The following ZNF469 variants were observed in gnomAD, a reference collection of about 807,000 sequenced individuals.
The protein encoded by ZNF469 is zinc finger protein 469.
Under a neutral mutation model 1.0 loss-of-function variants are expected in ZNF469, and 1 was observed. The ratio of observed to expected loss-of-function variants is 1.00; its 90% CI spans 0.35 to 4.73. ZNF469 has a LOEUF of 4.73. ZNF469 is among the 30% of genes most tolerant of loss of function. The pLI, the probability that ZNF469 is intolerant of heterozygous loss-of-function variation, is 0.16. For missense variants in ZNF469, 6,100 were observed against 5,356.3 expected, an observed-to-expected ratio of 1.14 and a Z score of -4.33; for synonymous variants, 2,703 against 2,363.4, an observed-to-expected ratio of 1.14 and a Z score of -4.17.
At chr16:88,157,215 C>T in the ZNF469 span, among the ~76,000 whole-genome samples, 5 of 151,866 alleles carry the variant, frequency 3.3e-5, no homozygotes, top group African/African-American at 4.8e-5. Flanking sequence ...CCGACACCCC[C>T]ACCTCACAGG....
the ZNF469 span, among the ~76,000 whole-genome samples, chr16:88,203,208 C>T: frequency 6.6e-6 from 1 of 152,136 alleles, no homozygotes; most frequent in Non-Finnish European, 1.5e-5. Context: ...GAGTGAGGAA[C>T]CCCCCAGGGA....
chr16:88,329,804 C>G, the ZNF469 span, among the ~76,000 whole-genome samples: 27 of 152,240 alleles, frequency 1.8e-4, no homozygotes, highest in Non-Finnish European at 2.9e-5. Context: ...TGAGAACAAG[C>G]TGAAACCTTT....
the ZNF469 span, among the ~76,000 whole-genome samples, chr16:88,233,943 TGTTTGTCA>T: frequency 6.6e-6 from 1 of 152,270 alleles, no homozygotes; most frequent in East Asian, 1.9e-4. Context: ...GGATTTGGCC[TGTTTGTCA>T]GTGGGTTTTC....
chr16:88,175,501 C>A, the ZNF469 span, among the ~76,000 whole-genome samples: 1 of 152,168 alleles, frequency 6.6e-6, no homozygotes, highest in African/African-American at 2.4e-5. Context: ...TTTCTGACCA[C>A]AAGAGGATTA....
At chr16:88,337,441 T>C in the ZNF469 span, among the ~76,000 whole-genome samples, 1 of 152,192 alleles carries the variant, frequency 6.6e-6, no homozygotes, top group Non-Finnish European at 1.5e-5. Context: ...CCTCTTTCCT[T>C]TATAAATTAC....
Position 88,430,952 on chromosome 16 carries a change from C to A in ZNF469, c.3482C>A (p.Ser1161Tyr), listed in dbSNP as rs903409672. ...GCGAACCCCGAGGAGCCGGGCGGGT[C>A]TCGCCCGGGCCCCGGCAGGAGCCCT... is the stretch of plus-strand genomic sequence containing the variant. ...APANPEEPGG[S>Y]RPGPGRSPQA... The change falls in exon 3 of 3, where the codon TCT becomes TAT. Residue 1161 changes from serine (S) to tyrosine (Y), a missense_variant. Physicochemically the swap from Ser to Tyr is moderately radical, Grantham distance 144 (BLOSUM62 -2). Transcript: ENST00000565624. The A allele has an allele frequency of 1.3e-6, 2 of 1,535,626 alleles. No homozygotes were observed. The highest frequency in any genetic ancestry group is 4.0e-5 in the Admixed American group (2 of 50,286).
rs1361211166 is a variant in ZNF469 at position 88,431,735 on chromosome 16, C to T, written c.4265C>T (p.Ala1422Val). ...TGCCTTTGCCAGGACGGCGAGGATG[C>T]CGGTTCCCTCGAGCCACAGCTGCCA... Reference protein sequence around the residue: ...SSCLCQDGEDAGSLEPQLPRS... With the variant: ...SSCLCQDGEDVGSLEPQLPRS... Residue 1422 changes from alanine to valine, a missense_variant, in exon 3 of 3, where the codon GCC becomes GTC. Ala to Val is a moderately conservative substitution (Grantham distance 64, BLOSUM62 0). Coordinates refer to ENST00000565624, the MANE Select transcript of ZNF469 (RefSeq NM_001367624.2). 2 of 1,550,100 alleles carry T rather than the reference C, an allele frequency of 1.3e-6. No homozygotes were observed. Among genetic ancestry groups the T allele is most frequent in the South Asian group, 2.4e-5 (2 of 84,058 alleles).
chr16:88,255,318 G>A, the ZNF469 span, among the ~76,000 whole-genome samples: 1 of 152,200 alleles, frequency 6.6e-6, no homozygotes, highest in Non-Finnish European at 1.5e-5. Context: ...TATGGGAAAG[G>A]AAACTCAATA....
At chr16:88,251,823 T>G in the ZNF469 span, among the ~76,000 whole-genome samples, 1 of 151,878 alleles carries the variant, frequency 6.6e-6, no homozygotes, top group African/African-American at 2.4e-5. Context: ...CCTCCCAGAG[T>G]GCTGGGATTA....
the ZNF469 span, among the ~76,000 whole-genome samples, chr16:88,174,718 G>A: frequency 1 from 147,886 of 148,548 alleles, 73,619 homozygotes; most frequent in East Asian, 1. Flanking sequence ...TAGTAAATAT[G>A]TTTTCTCTTC....
chr16:88,430,307 G>A lies in ZNF469; in HGVS notation c.2837G>A (p.Arg946Lys). Residue 946 changes from arginine to lysine, a missense_variant, in exon 3 of 3, where the codon AGG becomes AAG. Transcript: ENST00000565624. ...GCGCCCAGCCAGGGCAGGCAGCAGAGGAGGGGGAAGCAGTTGAAGCTGTTC... is the reference window on the plus strand; with the variant it reads ...GCGCCCAGCCAGGGCAGGCAGCAGAAGAGGGGGAAGCAGTTGAAGCTGTTC... ...ADAPSQGRQQRRGKQLKLFRK... is the reference protein window; with the variant it reads ...ADAPSQGRQQKRGKQLKLFRK... 1 of 1,515,558 alleles carries A rather than the reference G, an allele frequency of 6.6e-7. No homozygotes were observed. The highest frequency in any genetic ancestry group is 8.8e-7 in the Non-Finnish European group (1 of 1,135,034). The allele number at this position is 1,515,558 out of a possible 1,614,324, so 93.9% of individuals were successfully genotyped here. A position where few individuals can be genotyped will look rare whatever the true frequency, so the allele number is the denominator to read the frequency against.
chr16:88,119,243 G>A, the ZNF469 span, among the ~76,000 whole-genome samples: 1 of 152,198 alleles, frequency 6.6e-6, no homozygotes, highest in Non-Finnish European at 1.5e-5. Flanking sequence ...TGGGCACCCT[G>A]GGAAGCGGGT....
the ZNF469 span, among the ~76,000 whole-genome samples, chr16:88,305,067 C>T: frequency 1.3e-5 from 2 of 152,184 alleles, no homozygotes. Flanking sequence ...ATCTGACACC[C>T]ACACAGAGCA....
the ZNF469 span, among the ~76,000 whole-genome samples, chr16:88,327,982 A>G: frequency 6.6e-6 from 1 of 152,238 alleles, no homozygotes; most frequent in Non-Finnish European, 1.5e-5. Context: ...GTCCCAGCCA[A>G]TGGGGAATGC....
chr16:88,380,380 C>CATAT (rs879617867), upstream of ZNF469, among the ~76,000 whole-genome samples: 1 of 110,162 alleles, frequency 9.1e-6, no homozygotes, highest in African/African-American at 6.5e-5. Flanking sequence ...TGCACTCACA[C>CATAT]GCACTCACAG....
intron 1 of ZNF469, among the ~76,000 whole-genome samples, chr16:88,394,894 C>T (rs1289498154): frequency 6.6e-6 from 1 of 152,208 alleles, no homozygotes; most frequent in Non-Finnish European, 1.5e-5. Flanking sequence ...ACCCAATCCT[C>T]TTTACCAACC....
intron 1 of ZNF469, among the ~76,000 whole-genome samples, chr16:88,422,280 T>TG (rs1163695983): frequency 0.02 from 87 of 4,360 alleles, 1 homozygote; most frequent in Admixed American, 0.042. Context: ...GATAGGTGGG[T>TG]AATGGATGGA....
chr16:88,380,522 C>T (rs796686545), upstream of ZNF469, among the ~76,000 whole-genome samples: 185 of 113,786 alleles, frequency 1.6e-3, 6 homozygotes, highest in East Asian at 0.04. Flanking sequence ...TGCACACACA[C>T]GCACTAACAC....
At chr16:88,378,331 C>T (rs752381172), upstream of ZNF469, among the ~76,000 whole-genome samples, 50 of 152,342 alleles carry the variant, frequency 3.3e-4, no homozygotes, top group Non-Finnish European at 6.2e-4. Context: ...GCAAAGTCCA[C>T]GGGTACTGAT....
Sources: gnomAD v4.1 joint callset for allele counts (sites outside exome capture counted in the v4.1 genomes callset) on GRCh38, gnomAD v4.1.1 for gene constraint, MANE v1.5 for transcripts, NCBI Gene and HGNC (gene_info 2026-07-23, HGNC 2026-07-21) for gene names.